Variants in CNBD1 observed in about 807,000 individuals in gnomAD.
CNBD1 encodes cyclic nucleotide-binding domain-containing protein 1.
A neutral mutation model predicts 54.4 loss-of-function variants in CNBD1; 71 were observed. That is an observed-to-expected ratio of 1.30 (90% CI 1.08 to 1.59). CNBD1 has a LOEUF of 1.59. Ranked by LOEUF, CNBD1 falls within the 40% of genes most tolerant of loss-of-function variation. The probability of loss-of-function intolerance (pLI) is 0.00; values close to 1 mark genes in which losing one functional copy is unlikely to be tolerated. For synonymous variants in CNBD1, 182 were observed against 170.7 expected (o/e 1.07, Z -0.51); for missense variants, 659 against 518.0 (o/e 1.27, Z -2.64).
rs761208628 is a variant in CNBD1, at chr8:86,938,977, A to AT, written c.273-612dup. Among the ~76,000 whole-genome samples the AT allele has an allele frequency of 7.9e-5, 12 of 152,152 alleles. No individual in the cohort carries two copies. In the South Asian group the frequency reaches 1.5e-3, roughly 18 times the overall value. ...ATTCATTTCTGCAACCTGCCTTACT[A>AT]TTTTTTTCTTAAACACAGACAGCAC... On this transcript the variant is annotated intron_variant, in intron 3 of 10. Coordinates refer to ENST00000518476, the MANE Select transcript of CNBD1 (RefSeq NM_173538.3).
chr8:87,221,217 A>T (rs1423030014), intron 5 of CNBD1, among the ~76,000 whole-genome samples: 1 of 152,148 alleles, frequency 6.6e-6, no homozygotes, highest in Non-Finnish European at 1.5e-5. Context: ...GTCATACTTC[A>T]TTTTAAAAAT....
chr8:86,959,703 G>A (rs892055983), intron 4 of CNBD1, among the ~76,000 whole-genome samples: 3 of 152,068 alleles, frequency 2.0e-5, no homozygotes, highest in Non-Finnish European at 2.9e-5. Flanking sequence ...GCTCCATCAG[G>A]TCATTTAAGG....
At position 87,106,004 on chromosome 8, in the gene CNBD1, T is replaced by C. The variant is rs545792835; in HGVS notation, c.432-99989T>C. Among the ~76,000 whole-genome samples, 16 of 152,308 alleles carry C rather than the reference T, an allele frequency of 1.1e-4. No homozygotes were observed. In the South Asian group the frequency reaches 3.3e-3, roughly 32 times the overall value. On this transcript the variant is annotated intron_variant, in intron 4 of 10. Transcript: ENST00000518476. ...GCTGACCCTTGACAAGTCATCATCC[T>C]ACAAAATAAATTACAGGGAAAACAG...
chr8:87,029,214 CTG>C (rs1261639401), intron 4 of CNBD1, among the ~76,000 whole-genome samples: 2 of 152,148 alleles, frequency 1.3e-5, no homozygotes, highest in African/African-American at 2.4e-5. Context: ...CATTTGAAAT[CTG>C]TGTGTGTTCC....
chr8:87,182,222 G>T lies in CNBD1; in HGVS notation c.432-23771G>T, dbSNP rs61329979. Among the ~76,000 whole-genome samples, 2,129 of 152,218 alleles carry T rather than the reference G, an allele frequency of 0.014. 58 individuals carry two copies. The highest frequency in any genetic ancestry group is 0.049 in the African/African-American group (2,026 of 41,514). On this transcript the variant is annotated intron_variant, in intron 4 of 10. Transcript: ENST00000518476. The surrounding 1 kb of genome is among the most constrained non-coding windows in gnomAD (Gnocchi z 4.1). The stretch of plus-strand genomic sequence containing the variant: ...ATATCCATGTTACTGCAAAGGACAT[G>T]ATCTCATTCTTTTTTATGGCTGCAT...
intron 2 of CNBD1, among the ~76,000 whole-genome samples, chr8:87,393,135 C>A (rs753799067): frequency 6.7e-4 from 101 of 151,834 alleles, no homozygotes; most frequent in Non-Finnish European, 1.3e-3. Context: ...TGACTGGAAT[C>A]AAGAGATTAT....
intron 5 of CNBD1, among the ~76,000 whole-genome samples, chr8:87,212,971 G>A (rs1445927006): frequency 6.6e-6 from 1 of 152,136 alleles, no homozygotes; most frequent in African/African-American, 2.4e-5. Flanking sequence ...AGGGTCTCAT[G>A]TCCAGAATAT....
chr8:87,196,229 G>T (rs1482800219), intron 4 of CNBD1, among the ~76,000 whole-genome samples: 1 of 152,138 alleles, frequency 6.6e-6, no homozygotes, highest in African/African-American at 2.4e-5. Context: ...CTTTGTGTTA[G>T]TCTCAACATT....
chr8:87,261,108 A>AAG (rs1462817837), intron 6 of CNBD1, among the ~76,000 whole-genome samples: 1 of 152,092 alleles, frequency 6.6e-6, no homozygotes, highest in African/African-American at 2.4e-5. Context: ...AACTAAATTC[A>AAG]AGACAGTTAA....
intron 6 of CNBD1, among the ~76,000 whole-genome samples, chr8:87,261,323 G>T (rs184086033): frequency 6.6e-6 from 1 of 152,008 alleles, no homozygotes; most frequent in Non-Finnish European, 1.5e-5. Flanking sequence ...GGTACCTTGC[G>T]GGTTCAGTGC....
intron 4 of CNBD1, among the ~76,000 whole-genome samples, chr8:87,122,920 C>T (rs1811919138): frequency 6.6e-6 from 1 of 151,848 alleles, no homozygotes; most frequent in African/African-American, 2.4e-5. Flanking sequence ...GATGATGTAG[C>T]TGTGTTATGC....
At chr8:87,138,313 A>T (rs1333677715) in intron 4 of CNBD1, among the ~76,000 whole-genome samples, 1 of 152,186 alleles carries the variant, frequency 6.6e-6, no homozygotes, top group African/African-American at 2.4e-5. Context: ...GAATTCAGGA[A>T]TGTGGGAATC....
At chr8:87,167,985 GTTATT>G (rs1241304692) in intron 4 of CNBD1, among the ~76,000 whole-genome samples, 1 of 151,862 alleles carries the variant, frequency 6.6e-6, no homozygotes, top group African/African-American at 2.4e-5. Context: ...GTTACTATAG[GTTATT>G]GTAACACAAT....
intron 4 of CNBD1, among the ~76,000 whole-genome samples, chr8:87,114,361 G>GT (rs1811728725): frequency 2.0e-5 from 3 of 151,772 alleles, no homozygotes; most frequent in East Asian, 3.9e-4. Flanking sequence ...TAATTTTTTT[G>GT]TTTTTTTGAG....
chr8:86,866,544 A>T lies in CNBD1; in HGVS notation c.49A>T (p.Ile17Phe). The change falls in exon 1 of 11, where the codon ATT becomes TTT. Residue 17 changes from isoleucine to phenylalanine, a missense_variant. Physicochemically the swap from Ile to Phe is conservative, Grantham distance 21. Transcript: ENST00000518476. Reference protein sequence around the residue: ...PAAILSHMTAINNVPPPPLHS... With the variant: ...PAAILSHMTAFNNVPPPPLHS... ...AGCTATTTTGTCTCACATGACAGCT[A>T]TTAACAATGTGCCTCCTCCTCCACT... is the stretch of plus-strand genomic sequence containing the variant. 6.2e-7 allele frequency: 1 copy of T among 1,612,246 alleles called. No homozygotes were observed. The highest frequency in any genetic ancestry group is 8.5e-7 in the Non-Finnish European group (1 of 1,179,212).
At chr8:87,349,356 A>G (rs1810236170) in intron 8 of CNBD1, among the ~76,000 whole-genome samples, 2 of 152,266 alleles carry the variant, frequency 1.3e-5, no homozygotes, top group African/African-American at 4.8e-5. Context: ...TTAATATTTA[A>G]ATGTTCTTAT....
At chr8:87,345,668 A>G (rs1810158240) in intron 8 of CNBD1, among the ~76,000 whole-genome samples, 1 of 152,212 alleles carries the variant, frequency 6.6e-6, no homozygotes, top group South Asian at 2.1e-4. Context: ...TAGATTCGAA[A>G]CTGAACTAAG....
intron 8 of CNBD1, among the ~76,000 whole-genome samples, chr8:87,328,817 C>G (rs1403001121): frequency 1.3e-5 from 2 of 152,054 alleles, no homozygotes. Context: ...AAGCCTTTCA[C>G]TTTCATGGTA....
chr8:87,387,130 G>A (rs1050394560), downstream of CNBD1, among the ~76,000 whole-genome samples: 17 of 152,122 alleles, frequency 1.1e-4, no homozygotes, highest in Non-Finnish European at 2.4e-4. Flanking sequence ...AGGAACAACC[G>A]GTACCAGCCA....
Sources: allele counts gnomAD v4.1 joint callset (sites outside exome capture counted in the v4.1 genomes callset), GRCh38; gene constraint gnomAD v4.1.1; non-coding constraint Gnocchi (gnomAD v3.1); transcripts MANE v1.5; gene names NCBI Gene and HGNC (gene_info 2026-07-23, HGNC 2026-07-21).